Variants in TMEM178B observed in about 807,000 individuals in gnomAD.
The protein encoded by TMEM178B is transmembrane protein 178B.
A neutral mutation model predicts 31.0 loss-of-function variants in TMEM178B; 5 were observed. That is an observed-to-expected ratio of 0.16 (90% CI 0.08 to 0.34). The LOEUF (loss-of-function observed/expected upper bound fraction) is 0.34. Among genes scored for constraint, TMEM178B ranks in the 10% least tolerant of loss-of-function variants. The probability of loss-of-function intolerance (pLI) is 1.00; values close to 1 mark genes in which losing one functional copy is unlikely to be tolerated. For missense variants in TMEM178B, 275 were observed against 400.3 expected (o/e 0.69, Z 2.67); for synonymous variants, 164 against 164.0 (o/e 1.00, Z 0.00).
intron 1 of TMEM178B, among the ~76,000 whole-genome samples, chr7:141,143,862 T>C (rs1037535106): frequency 2.0e-5 from 3 of 152,234 alleles, no homozygotes; most frequent in Admixed American, 6.5e-5. Context: ...GTAATGTTTT[T>C]CCATTTGTTT....
At chr7:141,364,939 A>T (rs1311413376) in intron 2 of TMEM178B, among the ~76,000 whole-genome samples, 1 of 152,204 alleles carries the variant, frequency 6.6e-6, no homozygotes, top group African/African-American at 2.4e-5. Flanking sequence ...TTTTCAATAA[A>T]ATCTGGAAGT....
intron 2 of TMEM178B, among the ~76,000 whole-genome samples, chr7:141,321,382 C>T (rs1186921861): frequency 2.0e-5 from 3 of 152,214 alleles, no homozygotes; most frequent in Non-Finnish European, 2.9e-5. Context: ...CACAGTAGGA[C>T]TTCAAGTGAC....
Position 141,179,979 on chromosome 7 carries a change from A to G in TMEM178B, c.383-32612A>G, listed in dbSNP as rs192786830. On this transcript the variant is annotated intron_variant, in intron 1 of 3. Coordinates refer to ENST00000565468, the MANE Select transcript of TMEM178B (RefSeq NM_001195278.2). ...ACACTTTCAGTGCCCCATGCTCCCA[A>G]ACCACCTCCATCACGTCTTCCATCT... is the stretch of plus-strand genomic sequence containing the variant. 6.0e-4 allele frequency among the ~76,000 whole-genome samples: 92 copies of G among 152,256 alleles called. No individual in the cohort carries two copies. The East Asian group carries it at 6.8e-3, about 11-fold the overall frequency.
intron 2 of TMEM178B, among the ~76,000 whole-genome samples, chr7:141,306,879 C>T (rs780899787): frequency 3.9e-5 from 6 of 152,158 alleles, no homozygotes; most frequent in South Asian, 4.2e-4. Flanking sequence ...TCATTCCATA[C>T]AAATGCCACT....
chr7:141,100,779 T>A (rs577194611), intron 1 of TMEM178B, among the ~76,000 whole-genome samples: 1 of 152,318 alleles, frequency 6.6e-6, no homozygotes, highest in East Asian at 1.9e-4. Context: ...ATATGTAGAA[T>A]GTGTGACAAT....
At chr7:141,163,510 C>G (rs575457063) in intron 1 of TMEM178B, among the ~76,000 whole-genome samples, 181 of 150,466 alleles carry the variant, frequency 1.2e-3, no homozygotes, top group African/African-American at 4.3e-3. Flanking sequence ...TAGCAAACAG[C>G]AATTTTTTTT....
At chr7:141,342,347 G>A (rs1381796625) in intron 2 of TMEM178B, among the ~76,000 whole-genome samples, 1 of 152,234 alleles carries the variant, frequency 6.6e-6, no homozygotes, top group Non-Finnish European at 1.5e-5. Flanking sequence ...AATCACTAAA[G>A]TAGTATTTCT....
chr7:141,369,353 G>A (rs550255747), intron 2 of TMEM178B, among the ~76,000 whole-genome samples: 9,104 of 145,922 alleles, frequency 0.062, 347 homozygotes, highest in African/African-American at 0.097. Context: ...GTGTGTGTGT[G>A]TGTGTATGTG....
chr7:141,145,543 C>T (rs1368261828), intron 1 of TMEM178B, among the ~76,000 whole-genome samples: 3 of 152,222 alleles, frequency 2.0e-5, no homozygotes, highest in Non-Finnish European at 4.4e-5. Flanking sequence ...AACCTGCCAG[C>T]ATCATGGCTC....
intron 2 of TMEM178B, among the ~76,000 whole-genome samples, chr7:141,423,907 C>G (rs1801265216): frequency 6.9e-6 from 1 of 144,484 alleles, no homozygotes. Context: ...CTCCTGGGTT[C>G]AAGTGATTCT....
intron 2 of TMEM178B, among the ~76,000 whole-genome samples, chr7:141,303,879 T>TA (rs1798768911): frequency 6.6e-6 from 1 of 152,224 alleles, no homozygotes; most frequent in South Asian, 2.1e-4. Context: ...GCATGCAACA[T>TA]ATTGCTCTAT....
In TMEM178B at chr7:141,422,083, A is replaced by G. The variant is rs1306123196; in HGVS notation, c.497-15525A>G. Among the ~76,000 whole-genome samples, 2 of 152,194 alleles carry G rather than the reference A, an allele frequency of 1.3e-5. No individual in the cohort carries two copies. Among genetic ancestry groups the G allele is most frequent in the African/African-American group, 4.8e-5 (2 of 41,448 alleles). ...GCTTGACATTTTCTTAGAAACCTGC[A>G]ATACGGAAAGAGATCTGTTCAGCTT... On this transcript the variant is annotated intron_variant, in intron 2 of 3. Coordinates refer to ENST00000565468, the MANE Select transcript of TMEM178B (RefSeq NM_001195278.2). The surrounding 1 kb of genome is among the most constrained non-coding windows in gnomAD (Gnocchi z 4.2).
In TMEM178B at chr7:141,267,025, G is replaced by A. The variant is rs139008201; in HGVS notation, c.496+54321G>A. 1.1e-3 allele frequency among the ~76,000 whole-genome samples: 160 copies of A among 152,332 alleles called. 1 individual carries two copies. The highest frequency in any genetic ancestry group is 3.7e-3 in the African/African-American group (155 of 41,584). ...TTTGCCCTTGGCCAGGGTGACAGTA[G>A]TAGGTTAGCAGGTGTGTCACCTGCC... On this transcript the variant is annotated intron_variant, in intron 2 of 3. Coordinates refer to ENST00000565468, the MANE Select transcript of TMEM178B (RefSeq NM_001195278.2).
At chr7:141,227,869 G>C (rs189398027) in intron 2 of TMEM178B, among the ~76,000 whole-genome samples, 5 of 152,332 alleles carry the variant, frequency 3.3e-5, no homozygotes, top group African/African-American at 1.2e-4. Flanking sequence ...CTCTTTAAAG[G>C]ATCGTAGTGA....
intron 1 of TMEM178B, among the ~76,000 whole-genome samples, chr7:141,096,923 A>G (rs1416321852): frequency 6.6e-6 from 1 of 152,050 alleles, no homozygotes; most frequent in African/African-American, 2.4e-5. Flanking sequence ...TCTCATCTCT[A>G]CAAAAAATTT....
the TMEM178B span, among the ~76,000 whole-genome samples, chr7:141,494,268 G>C: frequency 1.3e-5 from 2 of 152,006 alleles, no homozygotes; most frequent in African/African-American, 4.8e-5. Context: ...TATTGAATTC[G>C]GTGGACACAA....
intron 1 of TMEM178B, among the ~76,000 whole-genome samples, chr7:141,132,562 G>T (rs568636161): frequency 1.3e-5 from 2 of 152,214 alleles, no homozygotes; most frequent in East Asian, 3.9e-4. Flanking sequence ...CCACCTGCAC[G>T]TGCCACCTGG....
intron 1 of TMEM178B, among the ~76,000 whole-genome samples, chr7:141,127,450 G>C (rs147883122): frequency 5.3e-5 from 8 of 152,138 alleles, no homozygotes; most frequent in African/African-American, 1.9e-4. Context: ...TCCGAAGACA[G>C]GTGTCCCAAT....
At chr7:141,261,238 C>T (rs1406533163) in intron 2 of TMEM178B, among the ~76,000 whole-genome samples, 1 of 152,058 alleles carries the variant, frequency 6.6e-6, no homozygotes, top group East Asian at 1.9e-4. Context: ...AGGAAGAGGG[C>T]AGTGCGCTCT....
Sources: allele counts gnomAD v4.1 joint callset (sites outside exome capture counted in the v4.1 genomes callset), GRCh38; gene constraint gnomAD v4.1.1; non-coding constraint Gnocchi (gnomAD v3.1); transcripts MANE v1.5; gene names NCBI Gene and HGNC (gene_info 2026-07-23, HGNC 2026-07-21).